Variants in CERS4 observed in about 807,000 individuals in gnomAD.
The protein encoded by CERS4 is ceramide synthase 4.
A neutral mutation model predicts 51.8 loss-of-function variants in CERS4; 65 were observed. That is an observed-to-expected ratio of 1.26 (90% CI 1.03 to 1.54). CERS4 has a LOEUF of 1.54. Among genes scored for constraint, CERS4 ranks in the 40% most tolerant of loss-of-function variants. The pLI, the probability that CERS4 is intolerant of heterozygous loss-of-function variation, is 0.00. For synonymous variants in CERS4, 228 were observed against 208.4 expected, an observed-to-expected ratio of 1.09 and a Z score of -0.81; for missense variants, 563 against 500.4, an observed-to-expected ratio of 1.13 and a Z score of -1.19.
At chr19:8,211,916 CAG>C (rs1967098923) in intron 2 of CERS4, among the ~76,000 whole-genome samples, 1 of 139,080 alleles carries the variant, frequency 7.2e-6, no homozygotes, top group African/African-American at 2.7e-5. Context: ...AAAAAAAATT[CAG>C]AGTCATGCCT....
intron 2 of CERS4, among the ~76,000 whole-genome samples, chr19:8,240,126 T>C (rs1383726805): frequency 6.6e-6 from 1 of 152,098 alleles, no homozygotes; most frequent in Non-Finnish European, 1.5e-5. Context: ...TGTATGTGAC[T>C]GTCTGGGGTG....
At chr19:8,235,824 G>A (rs1185666516) in intron 2 of CERS4, among the ~76,000 whole-genome samples, 1 of 151,970 alleles carries the variant, frequency 6.6e-6, no homozygotes, top group African/African-American at 2.4e-5. Flanking sequence ...AGCCCCAGGT[G>A]GGTTGAGGCT....
chr19:8,256,533 A>G (rs1372194682), intron 7 of CERS4, 85 bp from the exon 8 acceptor site: 20 of 1,304,204 alleles, frequency 1.5e-5, no homozygotes, highest in East Asian at 7.0e-5. Flanking sequence ...CCTGGTTTTG[A>G]GCAAACGGAG....
chr19:8,239,660 T>C (rs1001668401), intron 2 of CERS4: 1 of 152,168 alleles, frequency 6.6e-6, no homozygotes, highest in African/African-American at 2.4e-5. Flanking sequence ...TCTCTAGTCA[T>C]TTCTTGCTTT....
Position 8,213,478 on chromosome 19 carries a change from A to C in CERS4, c.-2+2616A>C, listed in dbSNP as rs368250051. Among the ~76,000 whole-genome samples the C allele has an allele frequency of 2.5e-3, 383 of 152,114 alleles. 18 individuals carry two copies. The South Asian group carries it at 0.067, about 27-fold the overall frequency. On this transcript the variant is annotated intron_variant, in intron 2 of 11. Transcript: ENST00000251363. ...CAGGCCTAGCTAATCCTTAAAAAAA[A>C]ATTTTATACACATGGACAGGGGTCT... is the stretch of plus-strand genomic sequence containing the variant.
intron 2 of CERS4, among the ~76,000 whole-genome samples, chr19:8,226,093 A>T (rs77176022): frequency 0.051 from 7,780 of 152,054 alleles, 269 homozygotes; most frequent in East Asian, 0.16. Context: ...GCTACTTGGG[A>T]GGCTGAGACG....
rs568082400 is a variant in CERS4, at chr19:8,235,724, A to G, written c.-1-15352A>G. On this transcript the variant is annotated intron_variant, in intron 2 of 11. Transcript: ENST00000251363. ...GCAACATAGTGAGACCCTCCCCCCA[A>G]TCTCTATAAAGAATTTTAAAATTAG... is the stretch of plus-strand genomic sequence containing the variant. Among the ~76,000 whole-genome samples the G allele has an allele frequency of 2.0e-5, 3 of 151,322 alleles. No homozygotes were observed. In the South Asian group the frequency reaches 6.3e-4, roughly 32 times the overall value.
At chr19:8,217,739 C>A (rs181734712) in intron 2 of CERS4, among the ~76,000 whole-genome samples, 1 of 151,832 alleles carries the variant, frequency 6.6e-6, no homozygotes, top group Admixed American at 6.6e-5. Context: ...GGGTTTCACC[C>A]TGTTAGCCAG....
chr19:8,219,768 A>G (rs1171330745), intron 2 of CERS4, among the ~76,000 whole-genome samples: 1 of 152,062 alleles, frequency 6.6e-6, no homozygotes, highest in African/African-American at 2.4e-5. Context: ...GCAATGAGCT[A>G]AGACTGTGCT....
At chr19:8,226,433 A>C (rs1408119899) in intron 2 of CERS4, among the ~76,000 whole-genome samples, 1 of 152,108 alleles carries the variant, frequency 6.6e-6, no homozygotes, top group Admixed American at 6.6e-5. Context: ...ATCTACCTCC[A>C]TGTATGCTGT....
chr19:8,240,259 G>A (rs1490081349), intron 2 of CERS4, among the ~76,000 whole-genome samples: 2 of 152,112 alleles, frequency 1.3e-5, no homozygotes, highest in East Asian at 1.9e-4. Context: ...AGGAATGTGT[G>A]CAGAAATAAG....
At chr19:8,211,305 C>T (rs1467210754) in intron 2 of CERS4, among the ~76,000 whole-genome samples, 4 of 152,108 alleles carry the variant, frequency 2.6e-5, no homozygotes, top group Non-Finnish European at 4.4e-5. Flanking sequence ...AAGGCAGGTG[C>T]CTTGGGAGCT....
At chr19:8,225,734 A>C (rs1967760228) in intron 2 of CERS4, among the ~76,000 whole-genome samples, 2 of 150,802 alleles carry the variant, frequency 1.3e-5, no homozygotes. Flanking sequence ...GTGTTTTCTG[A>C]TAATTCTGAG....
chr19:8,220,511 G>A (rs139725198), intron 2 of CERS4, among the ~76,000 whole-genome samples: 3,043 of 152,206 alleles, frequency 0.02, 196 homozygotes, highest in East Asian at 0.18. Flanking sequence ...CACCATGTTG[G>A]CCAGGCTGAT....
chr19:8,242,565 G>A (rs2061092450), intron 2 of CERS4, among the ~76,000 whole-genome samples: 1 of 152,166 alleles, frequency 6.6e-6, no homozygotes. Flanking sequence ...TCCAAAGCAG[G>A]GCAATTGGGC....
At chr19:8,220,917 G>C (rs1967509210) in intron 2 of CERS4, among the ~76,000 whole-genome samples, 1 of 151,838 alleles carries the variant, frequency 6.6e-6, no homozygotes, top group Admixed American at 6.6e-5. Context: ...TGCCTCCTGG[G>C]TTCATGCCGT....
At chr19:8,248,500 T>C (rs1968888756) in intron 2 of CERS4, among the ~76,000 whole-genome samples, 1 of 150,276 alleles carries the variant, frequency 6.7e-6, no homozygotes, top group South Asian at 2.1e-4. Flanking sequence ...GGATGGATGA[T>C]GGGTAGATGG....
At chr19:8,257,803 G>A in intron 9 of CERS4, 76 bp from the exon 10 acceptor site, 1 of 1,136,904 alleles carries the variant, frequency 8.8e-7, no homozygotes, top group Admixed American at 1.7e-5. Flanking sequence ...AACTCACCTG[G>A]TCCCATCCTA....
intron 2 of CERS4, among the ~76,000 whole-genome samples, chr19:8,237,343 G>A (rs1968311639): frequency 6.6e-6 from 1 of 151,886 alleles, no homozygotes; most frequent in African/African-American, 2.4e-5. Context: ...CCTGAGGTCA[G>A]GATTTCAAGA....
Sources: gnomAD v4.1 joint callset for allele counts (sites outside exome capture counted in the v4.1 genomes callset) on GRCh38, gnomAD v4.1.1 for gene constraint, MANE v1.5 for transcripts, NCBI Gene and HGNC (gene_info 2026-07-23, HGNC 2026-07-21) for gene names.